FNDC3B: variants seen among roughly 807,000 people sequenced by gnomAD.
FNDC3B encodes fibronectin type III domain-containing protein 3B.
Under a neutral mutation model 151.5 loss-of-function variants are expected in FNDC3B, and 12 were observed. That is an observed-to-expected ratio of 0.08 (90% CI 0.05 to 0.13). FNDC3B has a LOEUF of 0.13. Ranked by LOEUF, FNDC3B falls within the 10% of genes least tolerant of loss-of-function variation. The pLI, the probability that FNDC3B is intolerant of heterozygous loss-of-function variation, is 1.00. For synonymous variants in FNDC3B, 528 were observed against 549.0 expected, an observed-to-expected ratio of 0.96 and a Z score of 0.54; for missense variants, 1,214 against 1,505.3, an observed-to-expected ratio of 0.81 and a Z score of 3.20.
chr3:172,332,129 C>A (rs1419404092), intron 13 of FNDC3B, among the ~76,000 whole-genome samples: 1 of 152,126 alleles, frequency 6.6e-6, no homozygotes, highest in Non-Finnish European at 1.5e-5. Context: ...CAGCTCCACG[C>A]CTGGCTAATT....
At chr3:172,200,066 G>A (rs1484641392) in intron 3 of FNDC3B, among the ~76,000 whole-genome samples, 2 of 151,866 alleles carry the variant, frequency 1.3e-5, no homozygotes, top group Admixed American at 1.3e-4. Flanking sequence ...AGTGTTGCGG[G>A]GGCCAGAGCC....
At chr3:172,094,804 C>T (rs1229771882) in intron 1 of FNDC3B, among the ~76,000 whole-genome samples, 2 of 151,436 alleles carry the variant, frequency 1.3e-5, no homozygotes, top group Non-Finnish European at 2.9e-5. Flanking sequence ...AATCACTGGT[C>T]TGTGAGCGGG....
In FNDC3B at chr3:172,297,623, C is replaced by T. The variant is rs555433815; in HGVS notation, c.1002-1105C>T. Among the ~76,000 whole-genome samples the T allele has an allele frequency of 1.2e-3, 177 of 152,212 alleles. 1 individual carries two copies. Among genetic ancestry groups the T allele is most frequent in the Non-Finnish European group, 2.1e-3 (142 of 68,014 alleles). On this transcript the variant is annotated intron_variant, in intron 8 of 25. Transcript: ENST00000415807. Reference sequence around the variant, plus strand: ...CTGAGTAGGTAGGATTACAGGTGCCCGCCACCACGCCCGGCTAATTTTTTG... The same window carrying T: ...CTGAGTAGGTAGGATTACAGGTGCCTGCCACCACGCCCGGCTAATTTTTTG...
At chr3:172,119,936 A>G (rs1720452177) in intron 2 of FNDC3B, among the ~76,000 whole-genome samples, 1 of 152,194 alleles carries the variant, frequency 6.6e-6, no homozygotes, top group African/African-American at 2.4e-5. Flanking sequence ...ACTATAAAAA[A>G]AAGGTGTGAT....
At chr3:172,274,106 T>C (rs1190020331) in intron 6 of FNDC3B, among the ~76,000 whole-genome samples, 1 of 152,204 alleles carries the variant, frequency 6.6e-6, no homozygotes, top group Non-Finnish European at 1.5e-5. Flanking sequence ...ATATTACCGA[T>C]GCTTTGGCAT....
At chr3:172,050,786 T>A (rs1300679375) in intron 1 of FNDC3B, among the ~76,000 whole-genome samples, 1 of 151,896 alleles carries the variant, frequency 6.6e-6, no homozygotes, top group Admixed American at 6.6e-5. Context: ...TGTGTATATA[T>A]ATTGCTGTAT....
intron 1 of FNDC3B, among the ~76,000 whole-genome samples, chr3:172,086,725 C>G (rs1718566294): frequency 6.6e-6 from 1 of 152,210 alleles, no homozygotes; most frequent in African/African-American, 2.4e-5. Context: ...AAGGCATTCT[C>G]TAGTGAACAT....
chr3:172,269,443 T>C (rs1023318510), intron 6 of FNDC3B, among the ~76,000 whole-genome samples: 39 of 151,114 alleles, frequency 2.6e-4, no homozygotes, highest in Non-Finnish European at 1.3e-4. Flanking sequence ...AAATTTTTTT[T>C]TTTTTTTTGG....
intron 6 of FNDC3B, among the ~76,000 whole-genome samples, chr3:172,280,898 T>C (rs1560054841): frequency 6.7e-6 from 1 of 149,900 alleles, no homozygotes; most frequent in Non-Finnish European, 1.5e-5. Flanking sequence ...TCTTTCTTTC[T>C]TTTTTTTGAA....
chr3:172,175,469 G>A (rs964357538), intron 3 of FNDC3B, among the ~76,000 whole-genome samples: 1 of 152,052 alleles, frequency 6.6e-6, no homozygotes, highest in African/African-American at 2.4e-5. Context: ...TCTCAACTGG[G>A]ACCTACTATT....
chr3:172,200,920 C>T (rs774776075), intron 3 of FNDC3B, among the ~76,000 whole-genome samples: 10 of 152,088 alleles, frequency 6.6e-5, no homozygotes, highest in African/African-American at 1.7e-4. Flanking sequence ...ACCCAGCACC[C>T]GAGTACCTTT....
chr3:172,239,791 GAAAA>G (rs1214298738), intron 4 of FNDC3B, among the ~76,000 whole-genome samples: 2 of 88,836 alleles, frequency 2.3e-5, no homozygotes, highest in Non-Finnish European at 4.8e-5. Context: ...AAAAAAAAAA[GAAAA>G]AAAGCAAATA....
chr3:172,294,267 T>C (rs930881407), intron 7 of FNDC3B, among the ~76,000 whole-genome samples: 1 of 152,186 alleles, frequency 6.6e-6, no homozygotes, highest in African/African-American at 2.4e-5. Flanking sequence ...TGTTCTCGCA[T>C]TGCTATGAAG....
intron 9 of FNDC3B, among the ~76,000 whole-genome samples, chr3:172,306,595 T>C (rs1040982058): frequency 1.3e-5 from 2 of 152,242 alleles, no homozygotes; most frequent in African/African-American, 4.8e-5. Context: ...AGTAGGAAGA[T>C]GATAAAAATC....
At chr3:172,069,507 T>G (rs1270978520) in intron 1 of FNDC3B, among the ~76,000 whole-genome samples, 1 of 152,234 alleles carries the variant, frequency 6.6e-6, no homozygotes, top group Non-Finnish European at 1.5e-5. Context: ...GGGATACATG[T>G]ACAGAACGTG....
At chr3:172,306,709 T>G (rs1441087239) in intron 9 of FNDC3B, among the ~76,000 whole-genome samples, 2 of 152,226 alleles carry the variant, frequency 1.3e-5, no homozygotes, top group Non-Finnish European at 2.9e-5. Context: ...TATGTTGCAG[T>G]GTTGAGCCAA....
chr3:172,098,356 T>C (rs1290720288), intron 1 of FNDC3B, among the ~76,000 whole-genome samples: 1 of 152,252 alleles, frequency 6.6e-6, no homozygotes, highest in Non-Finnish European at 1.5e-5. Flanking sequence ...ATTTCCTGCA[T>C]GTACCTGTAC....
At chr3:172,039,900 C>T (rs1278542533) in intron 1 of FNDC3B, 129 bp downstream of exon 1, 1 of 152,248 alleles carries the variant, frequency 6.6e-6, no homozygotes, top group Non-Finnish European at 1.5e-5. Context: ...CGGGAGCGCC[C>T]TGGGCTTCCC....
chr3:172,358,517 G>C (rs968248293), intron 22 of FNDC3B, among the ~76,000 whole-genome samples: 1 of 152,202 alleles, frequency 6.6e-6, no homozygotes, highest in Non-Finnish European at 1.5e-5. Context: ...CTGAGTCCTT[G>C]GCCATTACTT....
Sources: allele counts gnomAD v4.1 joint callset (sites outside exome capture counted in the v4.1 genomes callset), GRCh38; gene constraint gnomAD v4.1.1; transcripts MANE v1.5; gene names NCBI Gene and HGNC (gene_info 2026-07-23, HGNC 2026-07-21).